CLSPN: variants seen among roughly 807,000 people sequenced by gnomAD.
The protein encoded by CLSPN is claspin homolog.
Under a neutral mutation model 156.3 loss-of-function variants are expected in CLSPN, and 85 were observed. The observed-to-expected ratio is 0.54, with a 90% CI of 0.46 to 0.65. CLSPN has a LOEUF of 0.65. Ranked by LOEUF, CLSPN falls within the 30% of genes least tolerant of loss-of-function variation. CLSPN has a pLI of 0.00. For missense variants in CLSPN, 1,407 were observed against 1,554.9 expected (o/e 0.90, Z 1.60); for synonymous variants, 534 against 542.4 (o/e 0.98, Z 0.22).
chr1:35,745,403 T>G (rs763115784), intron 16 of CLSPN, 48 bp downstream of exon 16: 5 of 1,285,878 alleles, frequency 3.9e-6, no homozygotes, highest in Non-Finnish European at 5.7e-6. Context: ...TATTTTGATT[T>G]TATCAAAAGG....
At chr1:35,730,811 G>A (rs1164818665), downstream of CLSPN, among the ~76,000 whole-genome samples, 1 of 152,082 alleles carries the variant, frequency 6.6e-6, no homozygotes, top group Non-Finnish European at 1.5e-5. Context: ...AGTGAGCTGA[G>A]ATCGTGCTAC....
downstream of CLSPN, among the ~76,000 whole-genome samples, chr1:35,728,700 A>G (rs1641247616): frequency 6.6e-6 from 1 of 152,158 alleles, no homozygotes; most frequent in African/African-American, 2.4e-5. Flanking sequence ...GGCTGGAAAG[A>G]TAGAGAAAAC....
intron 24 of CLSPN, among the ~76,000 whole-genome samples, chr1:35,723,863 C>T (rs746418521): frequency 1.3e-5 from 2 of 152,122 alleles, no homozygotes; most frequent in African/African-American, 4.8e-5. Flanking sequence ...TGGTGGCACA[C>T]GCCTGTAATC....
In CLSPN at chr1:35,721,968, G is replaced by A. The variant is rs566305303; in HGVS notation, c.3910-988C>T. Among the ~76,000 whole-genome samples, 9 of 151,588 alleles carry A rather than the reference G, an allele frequency of 5.9e-5. 1 individual carries two copies. Among genetic ancestry groups the A allele is most frequent in the South Asian group, 4.2e-4 (2 of 4,782 alleles). ...AGCTTGGCCAACATGATGAAACCCC[G>A]TTTCTACTAAAAATACAAAAATTAG... On this transcript the variant is annotated intron_variant, in intron 24 of 24. Transcript: ENST00000251195.
intron 20 of CLSPN, among the ~76,000 whole-genome samples, 154 bp downstream of exon 20, chr1:35,738,982 G>C (rs1353575669): frequency 6.6e-6 from 1 of 152,018 alleles, no homozygotes; most frequent in East Asian, 1.9e-4. Flanking sequence ...TGAACTTTTA[G>C]TAGGGACGGG....
intron 16 of CLSPN, 154 bp from the exon 17 acceptor site, chr1:35,743,684 C>T: frequency 1.6e-6 from 1 of 612,776 alleles, no homozygotes. Flanking sequence ...AATACAGTGG[C>T]ACCATCTCAG....
chr1:35,745,601 G>A, intron 15 of CLSPN, 39 bp from the exon 16 acceptor site: 2 of 1,371,518 alleles, frequency 1.5e-6, no homozygotes, highest in South Asian at 1.2e-5. Flanking sequence ...ACCAAGGAAT[G>A]ATAGCTTTAT....
At chr1:35,767,632 G>C (rs1028091206) in intron 1 of CLSPN, among the ~76,000 whole-genome samples, 1 of 152,170 alleles carries the variant, frequency 6.6e-6, no homozygotes, top group African/African-American at 2.4e-5. Flanking sequence ...TTCAGACTAT[G>C]TGTGTAAGGT....
intron 14 of CLSPN, among the ~76,000 whole-genome samples, chr1:35,747,364 T>C (rs1571204457): frequency 6.6e-6 from 1 of 151,480 alleles, no homozygotes; most frequent in East Asian, 1.9e-4. Context: ...AATGGCAAAG[T>C]AGGGGGTGAA....
At chr1:35,761,280 C>A in intron 6 of CLSPN, 76 bp from the exon 7 acceptor site, 1 of 918,610 alleles carries the variant, frequency 1.1e-6, no homozygotes, top group Non-Finnish European at 1.7e-6. Flanking sequence ...GTTAACTAAA[C>A]ATAATAACCA....
At chr1:35,757,115 T>C (rs765968507) in intron 8 of CLSPN, among the ~76,000 whole-genome samples, 1 of 152,196 alleles carries the variant, frequency 6.6e-6, no homozygotes, top group Non-Finnish European at 1.5e-5. Context: ...GTATCTCTAC[T>C]GAGCTCATTT....
rs66781105 is a variant in CLSPN, at chr1:35,738,800, C to CT, written c.3431-219dup. ...GACAAATATGCATTGTAACTGTTTG[C>CT]TTTTTTTTTTTTTTTTTTGAGATGG... On this transcript the variant is annotated intron_variant, in intron 20 of 24. Coordinates refer to ENST00000318121, the MANE Select transcript of CLSPN (RefSeq NM_022111.4). Among the ~76,000 whole-genome samples, 111 of 96,344 alleles carry CT rather than the reference C, an allele frequency of 1.2e-3. 1 individual carries two copies. The highest frequency in any genetic ancestry group is 2.9e-3 in the African/African-American group (86 of 29,408). 63.2% of individuals were successfully genotyped at this position (96,344 alleles called of 152,430 possible). A position where few individuals can be genotyped will look rare whatever the true frequency, so the allele number is the denominator to read the frequency against.
At position 35,736,418 on chromosome 1, in the gene CLSPN, T is replaced by C; in HGVS notation, c.*78A>G. 1 of 1,484,660 alleles carries C rather than the reference T, an allele frequency of 6.7e-7. No homozygotes were observed. The highest frequency in any genetic ancestry group is 8.9e-7 in the Non-Finnish European group (1 of 1,119,920). The allele number at this position is 1,484,660 out of a possible 1,614,324, so 92.0% of individuals were successfully genotyped here. On this transcript the variant is annotated 3_prime_UTR_variant, in exon 25 of 25. Transcript: ENST00000318121. ...TATGAAAGAAGGAAGGATCATTGGC[T>C]GGAGTGTCAATTCCAACTTTCAGTG...
At chr1:35,763,700 T>C (rs1041108754) in intron 3 of CLSPN, among the ~76,000 whole-genome samples, 1 of 152,208 alleles carries the variant, frequency 6.6e-6, no homozygotes, top group Admixed American at 6.5e-5. Context: ...AATTACTCCA[T>C]GTGCTCATAA....
chr1:35,766,196 T>C (rs756032502), intron 1 of CLSPN, among the ~76,000 whole-genome samples: 2 of 151,574 alleles, frequency 1.3e-5, no homozygotes, highest in African/African-American at 2.4e-5. Flanking sequence ...GGTTTCACCA[T>C]GCTGGCCAGG....
chr1:35,729,431 C>T (rs558201419), downstream of CLSPN, among the ~76,000 whole-genome samples: 1 of 152,280 alleles, frequency 6.6e-6, no homozygotes, highest in Non-Finnish European at 1.5e-5. Context: ...CATTATGAAT[C>T]CCACCACAGG....
At chr1:35,745,320 T>C in intron 16 of CLSPN, 131 bp downstream of exon 16, 1 of 634,752 alleles carries the variant, frequency 1.6e-6, no homozygotes, top group East Asian at 2.7e-5. Flanking sequence ...ATAATTTGCT[T>C]ACTAGGCATA....
chr1:35,743,424 G>T, intron 17 of CLSPN, 31 bp downstream of exon 17: 1 of 1,573,918 alleles, frequency 6.4e-7, no homozygotes, highest in Non-Finnish European at 8.7e-7. Flanking sequence ...ATGGAGCTCA[G>T]TTATGATTAC....
chr1:35,751,388 T>G lies in CLSPN; in HGVS notation c.1890A>C (p.Glu630Asp). The G allele has an allele frequency of 1.2e-6, 2 of 1,613,340 alleles. No homozygotes were observed. The highest frequency in any genetic ancestry group is 1.7e-6 in the Non-Finnish European group (2 of 1,179,672). The part of the protein sequence containing the change: ...FKLDNEDGFE[E>D]EEEEEEEMTD... ...TCATTTCTTCCTCTTCCTCCTCCTC[T>G]TCCTCAAACCCATCTTCATTATCTA... Residue 630 changes from glutamate to aspartate, a missense_variant, in exon 10 of 25, where the codon GAA becomes GAC. Coordinates refer to ENST00000318121, the MANE Select transcript of CLSPN (RefSeq NM_022111.4).
Sources: allele counts gnomAD v4.1 joint callset (sites outside exome capture counted in the v4.1 genomes callset), GRCh38; gene constraint gnomAD v4.1.1; transcripts MANE v1.5; gene names NCBI Gene and HGNC (gene_info 2026-07-23, HGNC 2026-07-21).